DLGAP4: variants seen among roughly 807,000 people sequenced by gnomAD.
The protein encoded by DLGAP4 is DLG associated protein 4, also known as disks large-associated protein 4.
DLGAP4 carries 18 observed loss-of-function variants against 86.9 expected under a neutral mutation model. The observed-to-expected ratio is 0.21, with a 90% CI of 0.14 to 0.31. The LOEUF (loss-of-function observed/expected upper bound fraction) is 0.31, where lower values mean the gene tolerates loss of function less well. Among genes scored for constraint, DLGAP4 ranks in the 10% least tolerant of loss-of-function variants. The pLI is 1.00. For missense variants in DLGAP4, 1,085 were observed against 1,362.6 expected, an observed-to-expected ratio of 0.80 and a Z score of 3.21; for synonymous variants, 548 against 574.3, an observed-to-expected ratio of 0.95 and a Z score of 0.65.
intron 2 of DLGAP4, among the ~76,000 whole-genome samples, chr20:36,381,248 GC>G (rs1600459721): frequency 6.6e-6 from 1 of 152,196 alleles, no homozygotes; most frequent in East Asian, 1.9e-4. Context: ...GACAGTCCCT[GC>G]CCCTTTGGCA....
At position 36,308,043 on chromosome 20, in the gene DLGAP4, C is replaced by T. The variant is rs1555889639; in HGVS notation, c.-304+1531C>T. On this transcript the variant is annotated intron_variant, in intron 1 of 12. Transcript: ENST00000339266. The surrounding 1 kb of genome is among the most constrained non-coding windows in gnomAD (Gnocchi z 4.5). The stretch of plus-strand genomic sequence containing the variant: ...GGAGTGTTGGAGCCACCACCAGGCC[C>T]TAGAGCCGGCTGTCGGGGCCAGTCA... Among the ~76,000 whole-genome samples, 1 of 152,236 alleles carries T rather than the reference C, an allele frequency of 6.6e-6. No individual in the cohort carries two copies. Among genetic ancestry groups the T allele is most frequent in the African/African-American group, 2.4e-5 (1 of 41,460 alleles).
intron 2 of DLGAP4, among the ~76,000 whole-genome samples, chr20:36,418,865 A>G (rs1017864904): frequency 1.3e-5 from 2 of 152,180 alleles, no homozygotes; most frequent in Non-Finnish European, 1.5e-5. Context: ...GACAGTTGCT[A>G]TGGACACGGA....
intron 2 of DLGAP4, among the ~76,000 whole-genome samples, chr20:36,381,621 C>T (rs183261658): frequency 6.6e-6 from 1 of 152,224 alleles, no homozygotes; most frequent in Non-Finnish European, 1.5e-5. Context: ...ATTGAGCCCC[C>T]AGTCTAGGGG....
At chr20:36,461,676 C>CCGGGCG in intron 7 of DLGAP4, 1 of 167,736 alleles carries the variant, frequency 6.0e-6, no homozygotes, top group Non-Finnish European at 1.1e-5. Flanking sequence ...CGGCCCGGCC[C>CCGGGCG]GGCCCTGCCC....
At chr20:36,434,197 C>T (rs2033208018) in intron 3 of DLGAP4, among the ~76,000 whole-genome samples, 2 of 152,180 alleles carry the variant, frequency 1.3e-5, no homozygotes, top group Admixed American at 1.3e-4. Flanking sequence ...CCTGCCTCAG[C>T]CTCCCAAAGT....
intron 7 of DLGAP4, among the ~76,000 whole-genome samples, chr20:36,494,075 C>CT (rs540168662): frequency 1.2e-3 from 190 of 152,304 alleles, no homozygotes; most frequent in African/African-American, 4.5e-3. Flanking sequence ...GGTAGCTGTC[C>CT]TTCTGCCTGT....
intron 7 of DLGAP4, among the ~76,000 whole-genome samples, chr20:36,473,350 AG>A (rs1179973833): frequency 1.3e-5 from 2 of 152,186 alleles, no homozygotes; most frequent in Admixed American, 6.5e-5. Flanking sequence ...GGGTGGCCTC[AG>A]GCAAGACCCT....
At chr20:36,461,748 T>TCCGCCCGCCCGTCCGC in intron 7 of DLGAP4, 1 of 852,112 alleles carries the variant, frequency 1.2e-6, no homozygotes, top group South Asian at 5.6e-5. Flanking sequence ...CGTCCGTCCG[T>TCCGCCCGCCCGTCCGC]CCGCCCGCCC....
intron 1 of DLGAP4, among the ~76,000 whole-genome samples, chr20:36,328,161 T>C (rs1177229358): frequency 6.6e-6 from 1 of 151,908 alleles, no homozygotes; most frequent in African/African-American, 2.4e-5. Context: ...ATGGTACCAC[T>C]GCATTCCAGC....
At chr20:36,385,917 C>A (rs1216945475) in intron 2 of DLGAP4, among the ~76,000 whole-genome samples, 1 of 152,222 alleles carries the variant, frequency 6.6e-6, no homozygotes, top group Admixed American at 6.5e-5. Flanking sequence ...CTTAGCTCTG[C>A]AGCTCTGGGC....
intron 1 of DLGAP4, among the ~76,000 whole-genome samples, chr20:36,313,922 T>C (rs2065074614): frequency 6.6e-6 from 1 of 152,100 alleles, no homozygotes; most frequent in South Asian, 2.1e-4. Context: ...GGAGGTGATG[T>C]TGGGGTTGCC....
intron 7 of DLGAP4, chr20:36,462,516 C>G: frequency 1.2e-6 from 2 of 1,601,370 alleles, no homozygotes; most frequent in Non-Finnish European, 1.7e-6. Flanking sequence ...GTCTCCCTCT[C>G]CCTTTTTCTG....
At chr20:36,503,063 ATTTG>A (rs1310768578) in intron 10 of DLGAP4, among the ~76,000 whole-genome samples, 1 of 152,012 alleles carries the variant, frequency 6.6e-6, no homozygotes, top group Non-Finnish European at 1.5e-5. Flanking sequence ...TCTCACTTCT[ATTTG>A]TTCTGTTGTC....
In DLGAP4 at chr20:36,527,097, CAG is replaced by C. The variant is rs534206307; in HGVS notation, c.*69_*70del. The C allele has an allele frequency of 1.9e-3, 2,743 of 1,457,784 alleles. 65 individuals carry two copies. In the South Asian group the frequency reaches 0.034, roughly 18 times the overall value. 90.3% of individuals were successfully genotyped at this position (1,457,784 alleles called of 1,614,324 possible). A position where few individuals can be genotyped will look rare whatever the true frequency, so the allele number is the denominator to read the frequency against. On this transcript the variant is annotated 3_prime_UTR_variant, in exon 13 of 13. Coordinates refer to ENST00000339266, the MANE Select transcript of DLGAP4 (RefSeq NM_001365621.2). ...ACACAAAAACTAAGTGCGAACGGAA[CAG>C]AGTTTTCTCAACCTTTGCTATGGTT...
intron 7 of DLGAP4, among the ~76,000 whole-genome samples, chr20:36,480,863 A>C (rs2035154792): frequency 6.6e-6 from 1 of 152,136 alleles, no homozygotes; most frequent in Admixed American, 6.5e-5. Flanking sequence ...AAAATTAGCC[A>C]GGCATGGTGG....
intron 6 of DLGAP4, among the ~76,000 whole-genome samples, chr20:36,443,442 C>G (rs897085910): frequency 1.3e-5 from 2 of 152,138 alleles, no homozygotes; most frequent in African/African-American, 2.4e-5. Flanking sequence ...GGGTAAGGGA[C>G]TTGTGCAAGG....
intron 2 of DLGAP4, among the ~76,000 whole-genome samples, chr20:36,377,863 T>C (rs1213138943): frequency 3.3e-5 from 5 of 152,218 alleles, no homozygotes; most frequent in African/African-American, 7.2e-5. Context: ...TGGAATCAGC[T>C]CTTCGGGGGA....
At chr20:36,416,354 T>C (rs553831006) in intron 2 of DLGAP4, among the ~76,000 whole-genome samples, 8 of 152,344 alleles carry the variant, frequency 5.3e-5, no homozygotes, top group Non-Finnish European at 2.9e-5. Flanking sequence ...ACTCCTGACC[T>C]CAAGAGACCC....
chr20:36,453,759 C>G (rs1431519895), intron 7 of DLGAP4, among the ~76,000 whole-genome samples: 3 of 150,090 alleles, frequency 2.0e-5, no homozygotes, highest in African/African-American at 7.4e-5. Flanking sequence ...ATGGTGAAAC[C>G]CTGTCTCTGC....
Sources: gnomAD v4.1 joint callset for allele counts (sites outside exome capture counted in the v4.1 genomes callset) on GRCh38, gnomAD v4.1.1 for gene constraint, Gnocchi (gnomAD v3.1) non-coding constraint, MANE v1.5 for transcripts, NCBI Gene and HGNC (gene_info 2026-07-23, HGNC 2026-07-21) for gene names.